CPQ: variants seen among roughly 807,000 people sequenced by gnomAD.
CPQ encodes the protein Ser-Met dipeptidase.
A neutral mutation model predicts 45.7 loss-of-function variants in CPQ; 37 were observed. The ratio of observed to expected loss-of-function variants is 0.81; its 90% CI spans 0.62 to 1.07. CPQ has a LOEUF of 1.07. CPQ is among the 50% of genes least tolerant of loss of function. The pLI, the probability that CPQ is intolerant of heterozygous loss-of-function variation, is 0.00. For synonymous variants in CPQ, 186 were observed against 205.8 expected, an observed-to-expected ratio of 0.90 and a Z score of 0.82; for missense variants, 537 against 572.9, an observed-to-expected ratio of 0.94 and a Z score of 0.64.
At chr8:97,006,825 G>A (rs1332099160) in intron 5 of CPQ, among the ~76,000 whole-genome samples, 1 of 152,102 alleles carries the variant, frequency 6.6e-6, no homozygotes, top group African/African-American at 2.4e-5. Context: ...CTCTGAAGGG[G>A]GCCTTTTGTT....
chr8:97,143,317 T>G lies in CPQ; in HGVS notation c.*134T>G. ...CAACTCTATTTCATGCTTTCTGTTA[T>G]TATCTTTCTTGATACTTTCCAAATT... is the stretch of plus-strand genomic sequence containing the variant. On this transcript the variant is annotated 3_prime_UTR_variant, in exon 8 of 8. Coordinates refer to ENST00000220763, the MANE Select transcript of CPQ (RefSeq NM_016134.4). The G allele has an allele frequency of 1.2e-6, 1 of 826,912 alleles. No individual in the cohort carries two copies. The highest frequency in any genetic ancestry group is 1.9e-5 in the South Asian group (1 of 53,844). 51.2% of individuals were successfully genotyped at this position (826,912 alleles called of 1,614,324 possible).
chr8:96,668,697 A>G (rs1237713584), intron 1 of CPQ, among the ~76,000 whole-genome samples: 1 of 152,200 alleles, frequency 6.6e-6, no homozygotes, highest in Non-Finnish European at 1.5e-5. Flanking sequence ...CATTATATAT[A>G]TAAAACAAAT....
At chr8:96,917,168 A>C (rs1050188491) in intron 4 of CPQ, among the ~76,000 whole-genome samples, 2 of 152,174 alleles carry the variant, frequency 1.3e-5, no homozygotes, top group Admixed American at 6.6e-5. Flanking sequence ...TTAAAAAAAC[A>C]AGATGGCATT....
intron 4 of CPQ, among the ~76,000 whole-genome samples, chr8:96,952,858 C>G (rs116188993): frequency 6.6e-6 from 1 of 152,198 alleles, no homozygotes; most frequent in African/African-American, 2.4e-5. Context: ...CATGGATTAT[C>G]AAAGGACACT....
intron 2 of CPQ, among the ~76,000 whole-genome samples, chr8:96,823,722 G>A (rs1811340115): frequency 6.6e-6 from 1 of 151,830 alleles, no homozygotes; most frequent in Non-Finnish European, 1.5e-5. Flanking sequence ...TTTAATGAAG[G>A]TGATAAAAGT....
chr8:96,725,361 A>G (rs772432191), intron 1 of CPQ, among the ~76,000 whole-genome samples: 1 of 152,226 alleles, frequency 6.6e-6, no homozygotes, highest in Non-Finnish European at 1.5e-5. Context: ...TCCAGACTCT[A>G]TAAGGAACTT....
At chr8:96,667,756 C>G (rs1459954846) in intron 1 of CPQ, among the ~76,000 whole-genome samples, 1 of 152,106 alleles carries the variant, frequency 6.6e-6, no homozygotes, top group African/African-American at 2.4e-5. Context: ...CTTCTTTGCT[C>G]TACTGTCTGC....
intron 6 of CPQ, among the ~76,000 whole-genome samples, chr8:97,062,389 G>A (rs944582964): frequency 3.3e-5 from 5 of 152,122 alleles, no homozygotes; most frequent in Non-Finnish European, 7.4e-5. Context: ...GAATACAACA[G>A]ACTGAGCCCA....
At chr8:97,057,966 T>C (rs1810482933) in intron 6 of CPQ, among the ~76,000 whole-genome samples, 1 of 152,148 alleles carries the variant, frequency 6.6e-6, no homozygotes, top group Non-Finnish European at 1.5e-5. Context: ...TCATAAGGTT[T>C]CAAACCTGCT....
At chr8:96,668,941 A>G (rs113117663) in intron 1 of CPQ, among the ~76,000 whole-genome samples, 3,689 of 152,302 alleles carry the variant, frequency 0.024, 166 homozygotes, top group African/African-American at 0.084. Flanking sequence ...AATCCAGCAA[A>G]ACAAAACTTT....
intron 4 of CPQ, among the ~76,000 whole-genome samples, chr8:96,899,610 T>A (rs1586443689): frequency 6.7e-6 from 1 of 150,304 alleles, no homozygotes. Context: ...AGAGAGAGAG[T>A]GGGAGGAGAG....
intron 3 of CPQ, among the ~76,000 whole-genome samples, chr8:96,863,612 T>C (rs1021392352): frequency 1.3e-5 from 2 of 152,078 alleles, no homozygotes; most frequent in South Asian, 2.1e-4. Context: ...AGGTTTCTCA[T>C]AGTCAAGAAT....
At chr8:96,958,487 G>A (rs997981473) in intron 4 of CPQ, among the ~76,000 whole-genome samples, 1 of 152,018 alleles carries the variant, frequency 6.6e-6, no homozygotes, top group African/African-American at 2.4e-5. Context: ...CATGACTTCT[G>A]GATGCAACCC....
At chr8:96,923,421 T>C (rs1434807372) in intron 4 of CPQ, among the ~76,000 whole-genome samples, 1 of 152,180 alleles carries the variant, frequency 6.6e-6, no homozygotes, top group Non-Finnish European at 1.5e-5. Flanking sequence ...AACCTGTCCA[T>C]TGGGAATAAT....
chr8:96,677,564 A>C (rs1809092263), intron 1 of CPQ, among the ~76,000 whole-genome samples: 1 of 151,790 alleles, frequency 6.6e-6, no homozygotes, highest in Non-Finnish European at 1.5e-5. Flanking sequence ...TAGATTCTGT[A>C]TATTAGTCCT....
chr8:97,016,016 T>C (rs1200418802), intron 5 of CPQ, among the ~76,000 whole-genome samples: 1 of 151,820 alleles, frequency 6.6e-6, no homozygotes, highest in African/African-American at 2.4e-5. Flanking sequence ...TTTGTTTCTC[T>C]CAATTTTAAA....
intron 1 of CPQ, among the ~76,000 whole-genome samples, chr8:96,658,233 T>C (rs1815660010): frequency 6.6e-6 from 1 of 152,230 alleles, no homozygotes; most frequent in African/African-American, 2.4e-5. Flanking sequence ...TTATTCTGAC[T>C]TCATTTCATT....
At chr8:97,127,395 G>C (rs1023739988) in intron 7 of CPQ, among the ~76,000 whole-genome samples, 1 of 152,132 alleles carries the variant, frequency 6.6e-6, no homozygotes, top group Non-Finnish European at 1.5e-5. Context: ...GAGATCATTA[G>C]TCATCATTGA....
At chr8:97,100,185 A>G (rs1389010553) in intron 7 of CPQ, among the ~76,000 whole-genome samples, 3 of 152,234 alleles carry the variant, frequency 2.0e-5, no homozygotes, top group African/African-American at 4.8e-5. Context: ...TAGTGTCTTG[A>G]GTAGTATCTG....
Sources: allele counts gnomAD v4.1 joint callset (sites outside exome capture counted in the v4.1 genomes callset), GRCh38; gene constraint gnomAD v4.1.1; transcripts MANE v1.5; gene names NCBI Gene and HGNC (gene_info 2026-07-23, HGNC 2026-07-21).